ST7: variants seen among roughly 807,000 people sequenced by gnomAD.
ST7 encodes suppressor of tumorigenicity 7 protein.
In ST7, 28 loss-of-function variants were observed where a neutral mutation model predicts 78.7. That is an observed-to-expected ratio of 0.36 (90% CI 0.26 to 0.49). The LOEUF (loss-of-function observed/expected upper bound fraction) is 0.49. Among genes scored for constraint, ST7 ranks in the 20% least tolerant of loss-of-function variants. ST7 has a pLI of 0.99. For missense variants in ST7, 418 were observed against 696.0 expected (o/e 0.60, Z 4.49); for synonymous variants, 247 against 249.6 (o/e 0.99, Z 0.10).
intron 9 of ST7, among the ~76,000 whole-genome samples, chr7:117,165,988 T>G (rs1807525867): frequency 6.6e-6 from 1 of 152,138 alleles, no homozygotes; most frequent in Non-Finnish European, 1.5e-5. Context: ...TGCTAAGCAT[T>G]TTAGATTATA....
Position 117,109,565 on chromosome 7 carries a change from CA to C in ST7, c.234+9729del, listed in dbSNP as rs1433661752. Among the ~76,000 whole-genome samples the C allele has an allele frequency of 5.9e-5, 9 of 151,540 alleles. No individual in the cohort carries two copies. In the South Asian group the frequency reaches 1.0e-3, roughly 18 times the overall value. ...GAAATGGTAATTAAAAAGTTACCAACAAAAAAAAGTCCAGGACCAGATAGAC... is the reference window on the plus strand; with the variant it reads ...GAAATGGTAATTAAAAAGTTACCAACAAAAAAAGTCCAGGACCAGATAGAC... On this transcript the variant is annotated intron_variant, in intron 2 of 15. Transcript: ENST00000323984.
At chr7:117,218,182 C>A (rs1792833624) in intron 13 of ST7, among the ~76,000 whole-genome samples, 1 of 152,174 alleles carries the variant, frequency 6.6e-6, no homozygotes, top group Admixed American at 6.5e-5. Flanking sequence ...CCCTCACTAC[C>A]ATACATGAAG....
rs1358721785 is a variant in ST7, at chr7:117,208,902, G to GGGGT, written c.1255-884_1255-883insGGTG. 6.9e-3 allele frequency among the ~76,000 whole-genome samples: 965 copies of GGGGT among 139,890 alleles called. 14 individuals are homozygous for GGGGT. The highest frequency in any genetic ancestry group is 0.025 in the African/African-American group (925 of 36,946). The allele number at this position is 139,890 out of a possible 152,430, so 91.8% of individuals were successfully genotyped here. A position where few individuals can be genotyped will look rare whatever the true frequency, so the allele number is the denominator to read the frequency against. ...TGGTGGTGGGGTGGGTGTATGTGTG[G>GGGGT]GTGTGTGTGTGTGTGTGTGTGTGTG... On this transcript the variant is annotated intron_variant, in intron 12 of 15. Transcript: ENST00000323984.
At chr7:116,980,372 C>G (rs868640455) in intron 1 of ST7, among the ~76,000 whole-genome samples, 1 of 152,104 alleles carries the variant, frequency 6.6e-6, no homozygotes, top group Non-Finnish European at 1.5e-5. Flanking sequence ...TCCTAATATC[C>G]CACATTCGAA....
intron 1 of ST7, among the ~76,000 whole-genome samples, chr7:116,976,732 C>T (rs566365269): frequency 6.6e-6 from 1 of 152,140 alleles, no homozygotes; most frequent in Admixed American, 6.5e-5. Flanking sequence ...AATTCTAGTA[C>T]AGGGAGGGTG....
At chr7:117,135,715 G>A (rs961032104) in intron 7 of ST7, among the ~76,000 whole-genome samples, 15 of 152,194 alleles carry the variant, frequency 9.9e-5, no homozygotes, top group Admixed American at 8.5e-4. Context: ...GCTGGCTACT[G>A]TACTGAGCAC....
chr7:117,141,271 T>A (rs1427931487), intron 9 of ST7, among the ~76,000 whole-genome samples: 1 of 152,078 alleles, frequency 6.6e-6, no homozygotes, highest in African/African-American at 2.4e-5. Context: ...TTAGAATGCC[T>A]TCCATGTAGA....
intron 9 of ST7, among the ~76,000 whole-genome samples, chr7:117,169,915 A>G (rs1355431423): frequency 1.3e-5 from 2 of 150,788 alleles, no homozygotes; most frequent in Non-Finnish European, 2.9e-5. Context: ...GTCTCAGAAG[A>G]TGATCGTGGC....
chr7:117,214,570 C>T (rs1792541674), intron 13 of ST7, among the ~76,000 whole-genome samples: 1 of 152,144 alleles, frequency 6.6e-6, no homozygotes, highest in Admixed American at 6.5e-5. Context: ...CCCCATAGAT[C>T]TAAGGCTAAA....
At chr7:117,051,785 A>G (rs1797802264) in intron 1 of ST7, among the ~76,000 whole-genome samples, 1 of 152,106 alleles carries the variant, frequency 6.6e-6, no homozygotes, top group Admixed American at 6.6e-5. Flanking sequence ...GGGTGTGGGG[A>G]GTGAGGGAGA....
chr7:117,097,894 A>T (rs1563078760), intron 1 of ST7, among the ~76,000 whole-genome samples: 2 of 21,820 alleles, frequency 9.2e-5, no homozygotes, highest in South Asian at 3.3e-3. Flanking sequence ...ATATATATAT[A>T]TATATATATA....
At chr7:117,014,355 T>C (rs1795510673) in intron 1 of ST7, among the ~76,000 whole-genome samples, 1 of 152,182 alleles carries the variant, frequency 6.6e-6, no homozygotes, top group Non-Finnish European at 1.5e-5. Flanking sequence ...ACATCAGATA[T>C]AGTGTGTCTC....
intron 1 of ST7, among the ~76,000 whole-genome samples, chr7:116,986,862 G>A (rs1348000396): frequency 6.6e-6 from 1 of 152,186 alleles, no homozygotes; most frequent in Non-Finnish European, 1.5e-5. Context: ...AAATTGCATG[G>A]TGGGGCTTTC....
intron 7 of ST7, among the ~76,000 whole-genome samples, chr7:117,135,162 C>G (rs930369134): frequency 6.6e-6 from 1 of 152,034 alleles, no homozygotes. Context: ...CACCACTTCC[C>G]TATTACATTC....
intron 1 of ST7, among the ~76,000 whole-genome samples, chr7:117,031,021 A>C (rs889368923): frequency 1.3e-5 from 2 of 152,134 alleles, no homozygotes; most frequent in Non-Finnish European, 1.5e-5. Flanking sequence ...AAAGAACAAG[A>C]TCATGTCCTT....
Position 117,011,432 on chromosome 7 carries a change from A to G in ST7, c.151+57741A>G, listed in dbSNP as rs1388689230. Among the ~76,000 whole-genome samples, 7 of 152,222 alleles carry G rather than the reference A, an allele frequency of 4.6e-5. No individual in the cohort carries two copies. The East Asian group carries it at 1.3e-3, about 29-fold the overall frequency. On this transcript the variant is annotated intron_variant, in intron 1 of 15. Transcript: ENST00000323984. ...CCTCTGACTGTAATTGGTTTAAAGT[A>G]GAGTCCAAGATTATTAAAGTTGGAC...
At position 117,190,744 on chromosome 7, in the gene ST7, G is replaced by T; in HGVS notation, c.1152-90G>T. 1 of 995,404 alleles carries T rather than the reference G, an allele frequency of 1.0e-6. No homozygotes were observed. The highest frequency in any genetic ancestry group is 1.6e-6 in the Non-Finnish European group (1 of 639,288). 61.7% of individuals were successfully genotyped at this position (995,404 alleles called of 1,614,324 possible). A position where few individuals can be genotyped will look rare whatever the true frequency, so the allele number is the denominator to read the frequency against. On this transcript the variant is annotated intron_variant, in intron 11 of 15. Transcript: ENST00000323984. The surrounding 1 kb of genome is among the most constrained non-coding windows in gnomAD (Gnocchi z 5.2). ...AGAGCTCATGCTATTGGCTCACTGT[G>T]GTTTTATGGGCCCTAGATGTGTAGA...
chr7:117,092,137 T>C (rs1376731430), intron 1 of ST7, among the ~76,000 whole-genome samples: 1 of 151,816 alleles, frequency 6.6e-6, no homozygotes, highest in Non-Finnish European at 1.5e-5. Context: ...CACATAAAGT[T>C]ATGAATAACT....
At chr7:117,221,156 C>G (rs901669183) in intron 14 of ST7, among the ~76,000 whole-genome samples, 1 of 152,204 alleles carries the variant, frequency 6.6e-6, no homozygotes, top group Admixed American at 6.5e-5. Flanking sequence ...CTCTTGACCT[C>G]TGTACCACAG....
Sources: allele counts gnomAD v4.1 joint callset (sites outside exome capture counted in the v4.1 genomes callset), GRCh38; gene constraint gnomAD v4.1.1; non-coding constraint Gnocchi (gnomAD v3.1); transcripts MANE v1.5; gene names NCBI Gene and HGNC (gene_info 2026-07-23, HGNC 2026-07-21).